The following CDKAL1 variants were observed in gnomAD, a reference collection of about 807,000 sequenced individuals.
CDKAL1 encodes threonylcarbamoyladenosine tRNA methylthiotransferase.
In CDKAL1, 32 loss-of-function variants were observed where a neutral mutation model predicts 68.2. The observed-to-expected ratio is 0.47, with a 90% CI of 0.35 to 0.63. CDKAL1 has a LOEUF of 0.63. CDKAL1 is among the 30% of genes least tolerant of loss of function. The probability of loss-of-function intolerance (pLI) is 0.00; values close to 1 mark genes in which losing one functional copy is unlikely to be tolerated. For synonymous variants in CDKAL1, 234 were observed against 244.3 expected (o/e 0.96, Z 0.39); for missense variants, 606 against 696.7 (o/e 0.87, Z 1.47).
At chr6:20,762,206 A>G (rs1246553991) in intron 7 of CDKAL1, among the ~76,000 whole-genome samples, 1 of 152,212 alleles carries the variant, frequency 6.6e-6, no homozygotes, top group East Asian at 1.9e-4. Context: ...GGCTGAGTTA[A>G]TCATGGATAG....
chr6:20,660,567 G>A (rs560198549), intron 5 of CDKAL1, among the ~76,000 whole-genome samples: 2 of 152,340 alleles, frequency 1.3e-5, no homozygotes, highest in Middle Eastern at 6.8e-3. Flanking sequence ...ACCTGGTCAT[G>A]CTGGCAGGAT....
chr6:20,814,537 C>T (rs915261263), intron 8 of CDKAL1, among the ~76,000 whole-genome samples: 2 of 152,178 alleles, frequency 1.3e-5, no homozygotes, highest in African/African-American at 4.8e-5. Context: ...GCGTCTGCCT[C>T]CTAAAGTGTC....
intron 5 of CDKAL1, among the ~76,000 whole-genome samples, chr6:20,732,084 T>C (rs1462637349): frequency 6.6e-6 from 1 of 151,044 alleles, no homozygotes; most frequent in African/African-American, 2.5e-5. Context: ...CTTGCTCTGC[T>C]CCCCAGGCTG....
At chr6:20,875,772 C>T (rs115566091) in intron 9 of CDKAL1, among the ~76,000 whole-genome samples, 2,061 of 152,048 alleles carry the variant, frequency 0.014, 32 homozygotes, top group African/African-American at 0.047. Flanking sequence ...GTGGAAAATA[C>T]AAAGCTACTG....
chr6:20,611,246 G>T (rs1370822683), intron 4 of CDKAL1, among the ~76,000 whole-genome samples: 1 of 152,114 alleles, frequency 6.6e-6, no homozygotes, highest in African/African-American at 2.4e-5. Context: ...GAGGTTTCGT[G>T]TCTTAGCCCT....
intron 9 of CDKAL1, among the ~76,000 whole-genome samples, chr6:20,934,138 G>A (rs918038461): frequency 7.2e-5 from 11 of 152,162 alleles, no homozygotes; most frequent in Admixed American, 7.2e-4. Context: ...AGAGCAATAT[G>A]ATTGAAGGCA....
At chr6:21,003,095 C>G (rs1767516117) in intron 11 of CDKAL1, among the ~76,000 whole-genome samples, 1 of 151,734 alleles carries the variant, frequency 6.6e-6, no homozygotes, top group African/African-American at 2.4e-5. Flanking sequence ...AGACTTACTC[C>G]CATGAGGACA....
chr6:20,993,071 T>A (rs11967584), intron 10 of CDKAL1, among the ~76,000 whole-genome samples: 17,714 of 152,096 alleles, frequency 0.12, 2,026 homozygotes, highest in African/African-American at 0.3. Flanking sequence ...GACTAGTGGT[T>A]GTTTTAGAGC....
intron 13 of CDKAL1, among the ~76,000 whole-genome samples, chr6:21,130,653 C>G (rs1775266050): frequency 6.6e-6 from 1 of 152,198 alleles, no homozygotes; most frequent in African/African-American, 2.4e-5. Context: ...CACACAACTA[C>G]TCACCTAGAG....
chr6:20,671,617 A>T (rs1435459220), intron 5 of CDKAL1, among the ~76,000 whole-genome samples: 1 of 152,146 alleles, frequency 6.6e-6, no homozygotes, highest in African/African-American at 2.4e-5. Flanking sequence ...TTTGGAGTTT[A>T]TTCTTATCTA....
At chr6:20,676,698 T>TAAATAAATAAATA (rs1554175381) in intron 5 of CDKAL1, among the ~76,000 whole-genome samples, 10 of 80,770 alleles carry the variant, frequency 1.2e-4, no homozygotes, top group South Asian at 3.4e-4. Flanking sequence ...AATAAATAAA[T>TAAATAAATAAATA]AAATAAAATA....
chr6:20,956,713 T>G (rs1214805863), intron 10 of CDKAL1, among the ~76,000 whole-genome samples: 1 of 152,092 alleles, frequency 6.6e-6, no homozygotes, highest in Non-Finnish European at 1.5e-5. Flanking sequence ...CTTGTTGAGG[T>G]TTTTGTTGAA....
intron 8 of CDKAL1, among the ~76,000 whole-genome samples, chr6:20,786,816 G>C (rs1317534919): frequency 6.6e-6 from 1 of 151,992 alleles, no homozygotes; most frequent in Non-Finnish European, 1.5e-5. Context: ...ATTTTTTCTA[G>C]CAGTGGGAAT....
At chr6:20,926,088 G>T (rs1763171185) in intron 9 of CDKAL1, among the ~76,000 whole-genome samples, 1 of 152,048 alleles carries the variant, frequency 6.6e-6, no homozygotes, top group African/African-American at 2.4e-5. Flanking sequence ...AGTAAACAAT[G>T]AAAAACATAC....
intron 11 of CDKAL1, among the ~76,000 whole-genome samples, chr6:21,048,291 G>A (rs909441189): frequency 6.6e-6 from 1 of 152,138 alleles, no homozygotes; most frequent in East Asian, 1.9e-4. Context: ...TTGGCACATG[G>A]GTTGTAGTTT....
intron 9 of CDKAL1, among the ~76,000 whole-genome samples, chr6:20,850,889 A>G (rs983254516): frequency 3.3e-5 from 5 of 152,210 alleles, no homozygotes; most frequent in Admixed American, 6.5e-5. Flanking sequence ...TATGCTGACT[A>G]TGCATTCAGA....
chr6:21,113,901 C>G (rs1395965011), intron 13 of CDKAL1, among the ~76,000 whole-genome samples: 1 of 151,784 alleles, frequency 6.6e-6, no homozygotes, highest in Non-Finnish European at 1.5e-5. Context: ...AATTGCACCA[C>G]TGCTCTCCAG....
rs1778364681 is a variant in CDKAL1, at chr6:20,846,074, G to A, written c.639-1G>A. 2 of 1,598,180 alleles carry A rather than the reference G, an allele frequency of 1.3e-6. No homozygotes were observed. The highest frequency in any genetic ancestry group is 2.2e-5 in the East Asian group (1 of 44,628). On this transcript the variant is annotated splice_acceptor_variant, in intron 8 of 15. Coordinates refer to ENST00000274695, the MANE Select transcript of CDKAL1 (RefSeq NM_017774.3). LOFTEE classifies it high-confidence loss of function. Reference sequence around the variant, plus strand: ...CTTATTTATTGTTATCATTTGAACAGGTGTCTCAATGCTTGTACCTACTGC... The same window carrying A: ...CTTATTTATTGTTATCATTTGAACAAGTGTCTCAATGCTTGTACCTACTGC...
intron 9 of CDKAL1, among the ~76,000 whole-genome samples, chr6:20,934,890 C>T (rs976423731): frequency 6.4e-4 from 92 of 144,282 alleles, no homozygotes; most frequent in African/African-American, 2.1e-3. Flanking sequence ...TACTTAATTC[C>T]GCCTTATACA....
Sources: gnomAD v4.1 joint callset for allele counts (sites outside exome capture counted in the v4.1 genomes callset) on GRCh38, gnomAD v4.1.1 for gene constraint, MANE v1.5 for transcripts, NCBI Gene and HGNC (gene_info 2026-07-23, HGNC 2026-07-21) for gene names.